The following PIM3 variants were observed in gnomAD, a reference collection of about 807,000 sequenced individuals.
PIM3 encodes the protein Pim-3 proto-oncogene, serine/threonine kinase, also known as serine/threonine-protein kinase pim-3.
A neutral mutation model predicts 27.5 loss-of-function variants in PIM3; 13 were observed. The ratio of observed to expected loss-of-function variants is 0.47; its 90% CI spans 0.31 to 0.75. The LOEUF is 0.75. PIM3 is among the 30% of genes least tolerant of loss of function. The probability of loss-of-function intolerance (pLI) is 0.05; values close to 1 mark genes in which losing one functional copy is unlikely to be tolerated. For synonymous variants in PIM3, 341 were observed against 221.1 expected (o/e 1.54, Z -4.81); for missense variants, 482 against 476.9 (o/e 1.01, Z -0.10).
rs1049815859 is a variant in PIM3, at chr22:49,963,080, G to A, written c.934G>A (p.Asp312Asn). ...CTGTGACCTGCGGCTGTGCACCCTC[G>A]ACCCTGATGACGTGGCCAGCACCAC... ...ESCDLRLCTL[D>N]PDDVASTTSS... The change falls in exon 6 of 6, where the codon GAC (aspartate) becomes AAC (asparagine). Residue 312 changes from aspartate to asparagine, a missense_variant. Physicochemically the swap from Asp to Asn is conservative, Grantham distance 23. Coordinates refer to ENST00000360612, the MANE Select transcript of PIM3 (RefSeq NM_001001852.4). 2 of 1,611,046 alleles carry A rather than the reference G, an allele frequency of 1.2e-6. No homozygotes were observed. The highest frequency in any genetic ancestry group is 8.5e-7 in the Non-Finnish European group (1 of 1,179,268).
rs540357392 is a variant in PIM3, at chr22:49,961,058, G to A, written c.85+26G>A. Reference sequence around the variant, plus strand: ...GTACGCGCGGGGCCGGCGGGGCCGGGGCCGGGGCCAGGGCGGGGACCGGGG... The same window carrying A: ...GTACGCGCGGGGCCGGCGGGGCCGGAGCCGGGGCCAGGGCGGGGACCGGGG... On this transcript the variant is annotated intron_variant, in intron 1 of 5. Transcript: ENST00000360612. 50 of 1,353,836 alleles carry A rather than the reference G, an allele frequency of 3.7e-5. 1 individual carries two copies. The South Asian group carries it at 7.7e-4, about 21-fold the overall frequency. 83.9% of individuals were successfully genotyped at this position (1,353,836 alleles called of 1,614,324 possible). A position where few individuals can be genotyped will look rare whatever the true frequency, so the allele number is the denominator to read the frequency against.
At chr22:49,962,059 G>T (rs1426069034) in intron 4 of PIM3, among the ~76,000 whole-genome samples, 1 of 152,098 alleles carries the variant, frequency 6.6e-6, no homozygotes, top group Non-Finnish European at 1.5e-5. Flanking sequence ...GGGGTACGGG[G>T]CCTCTTGCCC....
At position 49,963,800 on chromosome 22, in the gene PIM3, G is replaced by C. The variant is rs1437599767; in HGVS notation, c.*673G>C. ...GCCTGTCAGAAGATGAACATGTATA[G>C]TGGCTAACTTAAGGGGAGTGGGTGA... On this transcript the variant is annotated 3_prime_UTR_variant, in exon 6 of 6. Coordinates refer to ENST00000360612, the MANE Select transcript of PIM3 (RefSeq NM_001001852.4). 6.6e-6 allele frequency: 1 copy of C among 152,438 alleles called. No homozygotes were observed. The highest frequency in any genetic ancestry group is 1.5e-5 in the Non-Finnish European group (1 of 68,062). The allele number at this position is 152,438 out of a possible 1,614,324, so 9.4% of individuals were successfully genotyped here. A position where few individuals can be genotyped will look rare whatever the true frequency, so the allele number is the denominator to read the frequency against.
intron 4 of PIM3, 124 bp from the exon 5 acceptor site, chr22:49,962,565 C>T (rs1157840313): frequency 4.4e-6 from 5 of 1,134,026 alleles, no homozygotes; most frequent in Admixed American, 5.5e-5. Context: ...TGATGACGAG[C>T]AGGATTTTGA....
Position 49,961,669 on chromosome 22 carries a change from G to T in PIM3, c.474G>T (p.Val158=), listed in dbSNP as rs758474980. 2 of 1,589,134 alleles carry T rather than the reference G, an allele frequency of 1.3e-6. No homozygotes were observed. Among genetic ancestry groups the T allele is most frequent in the Non-Finnish European group, 1.7e-6 (2 of 1,168,698 alleles). The change falls in exon 4 of 6, where the codon GTG becomes GTT. Residue 158 remains valine, a synonymous_variant. Transcript: ENST00000360612. ...TCTTCGCGCAGGTGCTGGCCGCCGT[G>T]CGCCACTGCCACAGCTGCGGGGTCG... The part of the protein sequence containing the change: ...RRFFAQVLAA[V]RHCHSCGVVH...
rs879175441 is a variant in PIM3 at position 49,961,658 on chromosome 22, C to T, written c.463C>T (p.Leu155=). The T allele has an allele frequency of 4.1e-5, 65 of 1,579,264 alleles. No individual in the cohort carries two copies. The highest frequency in any genetic ancestry group is 1.8e-4 in the Middle Eastern group (1 of 5,684). ...PLARRFFAQV[L]AAVRHCHSCG... is the part of the protein sequence containing the mutation. ...GGCGCGCCGCTTCTTCGCGCAGGTGCTGGCCGCCGTGCGCCACTGCCACAG... is the reference window on the plus strand; with the variant it reads ...GGCGCGCCGCTTCTTCGCGCAGGTGTTGGCCGCCGTGCGCCACTGCCACAG... Residue 155 remains leucine (L), a synonymous_variant, in exon 4 of 6, where the codon CTG becomes TTG. Coordinates refer to ENST00000360612, the MANE Select transcript of PIM3 (RefSeq NM_001001852.4).
intron 4 of PIM3, among the ~76,000 whole-genome samples, chr22:49,962,314 CT>C (rs1030558325): frequency 1.3e-5 from 2 of 150,402 alleles, no homozygotes; most frequent in Non-Finnish European, 3.0e-5. Context: ...GAAGCCGGGG[CT>C]CCCCGCCCGC....
intron 4 of PIM3, among the ~76,000 whole-genome samples, 163 bp downstream of exon 4, chr22:49,961,974 G>C (rs539726016): frequency 1.3e-5 from 2 of 152,120 alleles, no homozygotes; most frequent in Admixed American, 6.5e-5. Flanking sequence ...GGAGGGCTGA[G>C]CGAGGGATCA....
At chr22:49,961,901 G>A in intron 4 of PIM3, 90 bp downstream of exon 4, 2 of 1,538,794 alleles carry the variant, frequency 1.3e-6, no homozygotes. Context: ...GCTGATGACT[G>A]TTGGGCGGCC....
Position 49,962,690 on chromosome 22 carries a change from C to T in PIM3, c.618C>T (p.Gly206=). The T allele has an allele frequency of 6.2e-7, 1 of 1,608,758 alleles. No individual in the cohort carries two copies. Among genetic ancestry groups the T allele is most frequent in the Non-Finnish European group, 8.5e-7 (1 of 1,178,190 alleles). ...LKDTVYTDFD[G]TRVYSPPEWI... Reference sequence around the variant, plus strand: ...GTGCTAAGCCCTGTGTCCCCTTAGGCACCCGAGTGTACAGCCCCCCGGAGT... The same window carrying T: ...GTGCTAAGCCCTGTGTCCCCTTAGGTACCCGAGTGTACAGCCCCCCGGAGT... Residue 206 remains glycine (G), a splice_region_variant and synonymous_variant, in exon 5 of 6, where the codon GGC becomes GGT. Transcript: ENST00000360612.
In PIM3 at chr22:49,961,829, G is replaced by T. The variant is rs745683128; in HGVS notation, c.616+18G>T. 9.3e-6 allele frequency: 15 copies of T among 1,610,460 alleles called. No homozygotes were observed. The South Asian group carries it at 1.7e-4, about 18-fold the overall frequency. ...CTTCGACGGTGAGCGCGGGCGCGGG[G>T]CAGGGAACGTTCCGGGGGCCTTGCC... On this transcript the variant is annotated intron_variant, in intron 4 of 5. Coordinates refer to ENST00000360612, the MANE Select transcript of PIM3 (RefSeq NM_001001852.4).
In PIM3 at chr22:49,961,241, C is replaced by T. The variant is rs762405063; in HGVS notation, c.195+7C>T. 8 of 1,533,170 alleles carry T rather than the reference C, an allele frequency of 5.2e-6. No homozygotes were observed. The highest frequency in any genetic ancestry group is 2.1e-5 in the Admixed American group (1 of 48,136). 95.0% of individuals were successfully genotyped at this position (1,533,170 alleles called of 1,614,324 possible). A position where few individuals can be genotyped will look rare whatever the true frequency, so the allele number is the denominator to read the frequency against. On this transcript the variant is annotated splice_region_variant and intron_variant, in intron 2 of 5. Coordinates refer to ENST00000360612, the MANE Select transcript of PIM3 (RefSeq NM_001001852.4). ...CATCGCCGACGGGCTCCCGGTGAGT[C>T]GGACCGCCGGGCGGGCCCGGGTTTC...
chr22:49,961,588 C>T lies in PIM3; in HGVS notation c.393C>T (p.Asp131=), dbSNP rs1421560564. 21 of 1,548,308 alleles carry T rather than the reference C, an allele frequency of 1.4e-5. No individual in the cohort carries two copies. The highest frequency in any genetic ancestry group is 1.7e-5 in the Non-Finnish European group (19 of 1,147,076). ...LVLERPEPAQ[D]LFDFITERGA... ...TGGAGCGGCCCGAGCCGGCGCAGGA[C>T]CTCTTCGACTTTATCACGGAGCGCG... Residue 131 remains aspartate (D), a synonymous_variant, in exon 4 of 6, where the codon GAC becomes GAT. Coordinates refer to ENST00000360612, the MANE Select transcript of PIM3 (RefSeq NM_001001852.4).
At position 49,961,252 on chromosome 22, in the gene PIM3, G is replaced by C; in HGVS notation, c.195+18G>C. 1.3e-6 allele frequency: 2 copies of C among 1,535,226 alleles called. No individual in the cohort carries two copies. The highest frequency in any genetic ancestry group is 1.7e-6 in the Non-Finnish European group (2 of 1,145,474). The stretch of plus-strand genomic sequence containing the variant: ...GGCTCCCGGTGAGTCGGACCGCCGG[G>C]CGGGCCCGGGTTTCTCGCGCGCCTT... On this transcript the variant is annotated intron_variant, in intron 2 of 5. Coordinates refer to ENST00000360612, the MANE Select transcript of PIM3 (RefSeq NM_001001852.4).
At position 49,963,541 on chromosome 22, in the gene PIM3, G is replaced by A. The variant is rs2060920640; in HGVS notation, c.*414G>A. On this transcript the variant is annotated 3_prime_UTR_variant, in exon 6 of 6. Transcript: ENST00000360612. ...AATGCAAGTCCTGGCCTCCGCGCCC[G>A]CCCGCCCACGCGAGCCGTACCCGCC... 2 of 163,036 alleles carry A rather than the reference G, an allele frequency of 1.2e-5. No homozygotes were observed. The highest frequency in any genetic ancestry group is 2.4e-5 in the African/African-American group (1 of 41,848). 10.1% of individuals were successfully genotyped at this position (163,036 alleles called of 1,614,324 possible). A position where few individuals can be genotyped will look rare whatever the true frequency, so the allele number is the denominator to read the frequency against.
chr22:49,962,326 CCCTCCCT>C (rs1182004885), intron 4 of PIM3, among the ~76,000 whole-genome samples: 1 of 149,124 alleles, frequency 6.7e-6, no homozygotes, highest in Non-Finnish European at 1.5e-5. Context: ...CCCCGCCCGC[CCCTCCCT>C]CCTCCCTCCC....
At chr22:49,961,268 C>T in intron 2 of PIM3, 34 bp downstream of exon 2, 2 of 1,538,982 alleles carry the variant, frequency 1.3e-6, no homozygotes, top group Non-Finnish European at 1.7e-6. Context: ...CCGGGTTTCT[C>T]GCGCGCCTTG....
chr22:49,961,518 G>C lies in PIM3; in HGVS notation c.323G>C (p.Arg108Pro). ...GCGGGCGGCGCGCGCGGCGTCATCC[G>C]CCTGCTGGACTGGTTCGAGCGGCCC... Reference protein sequence around the residue: ...GAAGGARGVIRLLDWFERPDG... With the variant: ...GAAGGARGVIPLLDWFERPDG... The change falls in exon 4 of 6, where the codon CGC (arginine) becomes CCC (proline). Residue 108 changes from arginine to proline, a missense_variant. By Grantham distance (103) the Arg-to-Pro change is moderately radical (BLOSUM62 -2). Coordinates refer to ENST00000360612, the MANE Select transcript of PIM3 (RefSeq NM_001001852.4). The C allele has an allele frequency of 6.6e-7, 1 of 1,510,740 alleles. No homozygotes were observed. Among genetic ancestry groups the C allele is most frequent in the Non-Finnish European group, 8.8e-7 (1 of 1,132,516 alleles). The allele number at this position is 1,510,740 out of a possible 1,614,324, so 93.6% of individuals were successfully genotyped here.
chr22:49,961,547 G>C lies in PIM3; in HGVS notation c.352G>C (p.Gly118Arg). 5 of 1,544,678 alleles carry C rather than the reference G, an allele frequency of 3.2e-6. No homozygotes were observed. Among genetic ancestry groups the C allele is most frequent in the Non-Finnish European group, 3.5e-6 (4 of 1,145,622 alleles). Reference protein sequence around the residue: ...RLLDWFERPDGFLLVLERPEP... With the variant: ...RLLDWFERPDRFLLVLERPEP... ...GCTGGACTGGTTCGAGCGGCCCGACGGCTTCCTGCTGGTGCTGGAGCGGCC... is the reference window on the plus strand; with the variant it reads ...GCTGGACTGGTTCGAGCGGCCCGACCGCTTCCTGCTGGTGCTGGAGCGGCC... Residue 118 changes from glycine (G) to arginine (R), a missense_variant, in exon 4 of 6, where the codon GGC becomes CGC. Transcript: ENST00000360612.
Sources: gnomAD v4.1 joint callset for allele counts (sites outside exome capture counted in the v4.1 genomes callset) on GRCh38, gnomAD v4.1.1 for gene constraint, MANE v1.5 for transcripts, NCBI Gene and HGNC (gene_info 2026-07-23, HGNC 2026-07-21) for gene names.